SIRT5: variants seen among roughly 807,000 people sequenced by gnomAD.
The protein encoded by SIRT5 is sirtuin 5, also known as NAD-dependent protein deacylase sirtuin-5, mitochondrial.
Under a neutral mutation model 40.0 loss-of-function variants are expected in SIRT5, and 26 were observed. The ratio of observed to expected loss-of-function variants is 0.65; its 90% CI spans 0.48 to 0.90. The LOEUF is 0.90. Among genes scored for constraint, SIRT5 ranks in the 40% least tolerant of loss-of-function variants. The pLI, the probability that SIRT5 is intolerant of heterozygous loss-of-function variation, is 0.00. For synonymous variants in SIRT5, 146 were observed against 149.1 expected (o/e 0.98, Z 0.15); for missense variants, 401 against 402.4 (o/e 1.00, Z 0.03).
chr6:13,589,852 C>T (rs1267707489), intron 4 of SIRT5, among the ~76,000 whole-genome samples: 2 of 152,162 alleles, frequency 1.3e-5, no homozygotes, highest in African/African-American at 2.4e-5. Flanking sequence ...TCCGAAAAGG[C>T]TCAGAGTTTG....
intron 1 of SIRT5, among the ~76,000 whole-genome samples, chr6:13,577,058 A>G (rs962240996): frequency 1.3e-5 from 2 of 152,156 alleles, no homozygotes; most frequent in Non-Finnish European, 2.9e-5. Context: ...CAATGGCCCT[A>G]TAATATATTT....
chr6:13,608,411 C>A (rs551418473), intron 9 of SIRT5, among the ~76,000 whole-genome samples: 2 of 152,156 alleles, frequency 1.3e-5, no homozygotes, highest in African/African-American at 4.8e-5. Flanking sequence ...CATGGCGAAA[C>A]CCCATCTCTA....
rs144666468 is a variant in SIRT5 at position 13,613,124 on chromosome 6, C to G, written c.*1259C>G. On this transcript the variant is annotated 3_prime_UTR_variant, in exon 10 of 10. Coordinates refer to ENST00000606117, the MANE Select transcript of SIRT5 (RefSeq NM_012241.5). ...GCCGCGGGCTGGACAGAACTGCAAC[C>G]ACTTATAAAAAGCATGCAGTTTACA... 6.6e-6 allele frequency: 1 copy of G among 152,230 alleles called. No homozygotes were observed. The highest frequency in any genetic ancestry group is 2.4e-5 in the African/African-American group (1 of 41,428). The allele number at this position is 152,230 out of a possible 1,614,324, so 9.4% of individuals were successfully genotyped here. A position where few individuals can be genotyped will look rare whatever the true frequency, so the allele number is the denominator to read the frequency against.
At chr6:13,587,633 G>C (rs1005335133) in intron 3 of SIRT5, among the ~76,000 whole-genome samples, 1 of 152,196 alleles carries the variant, frequency 6.6e-6, no homozygotes, top group Non-Finnish European at 1.5e-5. Context: ...GTTGCAGGAC[G>C]GGAGGGCAAG....
chr6:13,594,474 G>A (rs566309858), intron 5 of SIRT5, among the ~76,000 whole-genome samples: 1 of 152,236 alleles, frequency 6.6e-6, no homozygotes, highest in South Asian at 2.1e-4. Flanking sequence ...CTCTGCAATT[G>A]ATCTGTCTCC....
At chr6:13,595,807 T>C (rs1307550377) in intron 6 of SIRT5, among the ~76,000 whole-genome samples, 1 of 151,992 alleles carries the variant, frequency 6.6e-6, no homozygotes, top group East Asian at 1.9e-4. Flanking sequence ...AAACCTGTCC[T>C]ACAAAAAAAC....
At chr6:13,597,434 A>T (rs900019852) in intron 7 of SIRT5, among the ~76,000 whole-genome samples, 32 of 114,318 alleles carry the variant, frequency 2.8e-4, no homozygotes, top group East Asian at 4.3e-4. Flanking sequence ...TTCATAGATT[A>T]AAAAAAAAAA....
At chr6:13,605,350 A>G in intron 9 of SIRT5, 1 of 957,766 alleles carries the variant, frequency 1.0e-6, no homozygotes, top group Non-Finnish European at 1.2e-6. Context: ...AGCCTAAAAT[A>G]TGTCCTGTGT....
At chr6:13,605,941 G>A (rs1763046218) in intron 9 of SIRT5, among the ~76,000 whole-genome samples, 1 of 152,186 alleles carries the variant, frequency 6.6e-6, no homozygotes, top group African/African-American at 2.4e-5. Context: ...TTTAATTAAA[G>A]TCCACAAATA....
At chr6:13,584,773 G>A (rs1295487751) in intron 3 of SIRT5, among the ~76,000 whole-genome samples, 1 of 83,570 alleles carries the variant, frequency 1.2e-5, no homozygotes, top group Non-Finnish European at 3.0e-5. Context: ...TTTTACACAT[G>A]TTTTGTACTA....
chr6:13,611,498 G>C (rs1422645352), intron 9 of SIRT5, among the ~76,000 whole-genome samples: 3 of 151,824 alleles, frequency 2.0e-5, no homozygotes, highest in African/African-American at 7.3e-5. Flanking sequence ...AATACACTTT[G>C]TAATCATGTC....
At chr6:13,605,671 T>C in intron 9 of SIRT5, 2 of 985,472 alleles carry the variant, frequency 2.0e-6, no homozygotes, top group South Asian at 9.4e-5. Context: ...CCATGTCCGA[T>C]GCTTATATTG....
intron 9 of SIRT5, among the ~76,000 whole-genome samples, chr6:13,606,680 T>TTTTTG (rs1287711530): frequency 2.0e-5 from 3 of 152,222 alleles, no homozygotes; most frequent in African/African-American, 4.8e-5. Flanking sequence ...TTTTGTTTGT[T>TTTTTG]TTTTGTTTTG....
At chr6:13,595,004 C>G (rs1017529857) in intron 5 of SIRT5, among the ~76,000 whole-genome samples, 9 of 152,184 alleles carry the variant, frequency 5.9e-5, no homozygotes, top group African/African-American at 2.2e-4. Flanking sequence ...AAATCACGCC[C>G]TTAGATTTAG....
intron 8 of SIRT5, 142 bp downstream of exon 8, chr6:13,599,297 A>T (rs1470972642): frequency 1.2e-6 from 1 of 846,118 alleles, no homozygotes; most frequent in Non-Finnish European, 1.8e-6. Context: ...TTTCCTTCAA[A>T]TGTATGTTGA....
chr6:13,593,957 G>A (rs552355252), intron 5 of SIRT5, among the ~76,000 whole-genome samples: 5 of 152,210 alleles, frequency 3.3e-5, no homozygotes, highest in South Asian at 2.1e-4. Flanking sequence ...ATGATGCAGC[G>A]TTTCCTGAGA....
chr6:13,597,043 G>T, intron 7 of SIRT5, 27 bp downstream of exon 7: 1 of 1,557,476 alleles, frequency 6.4e-7, no homozygotes, highest in Non-Finnish European at 8.7e-7. Context: ...GATTTGTACT[G>T]GTGTTCCAGG....
chr6:13,605,223 G>A, intron 9 of SIRT5: 2 of 943,724 alleles, frequency 2.1e-6, no homozygotes, highest in Non-Finnish European at 2.5e-6. Flanking sequence ...ACCTGTATCT[G>A]TAAATAAGGT....
chr6:13,591,707 C>G lies in SIRT5; in HGVS notation c.288C>G (p.Ser96=), dbSNP rs1760922175. The change falls in exon 5 of 10, where the codon TCC becomes TCG. Residue 96 remains serine, a synonymous_variant. Transcript: ENST00000606117. ...ATPLAFAHNP[S]RVWEFYHYRR... ...CCCTGGCCTTTGCCCACAACCCGTC[C>G]CGGGTGTGGGAGTTCTACCACTACC... is the stretch of plus-strand genomic sequence containing the variant. 6.2e-7 allele frequency: 1 copy of G among 1,606,272 alleles called. No homozygotes were observed. Among genetic ancestry groups the G allele is most frequent in the Non-Finnish European group, 8.5e-7 (1 of 1,174,344 alleles).
Sources: allele counts gnomAD v4.1 joint callset (sites outside exome capture counted in the v4.1 genomes callset), GRCh38; gene constraint gnomAD v4.1.1; transcripts MANE v1.5; gene names NCBI Gene and HGNC (gene_info 2026-07-23, HGNC 2026-07-21).